Variants in GPHN observed in about 807,000 individuals in gnomAD.
GPHN encodes gephyrin.
GPHN carries 17 observed loss-of-function variants against 95.5 expected under a neutral mutation model. The observed-to-expected ratio is 0.18, with a 90% CI of 0.12 to 0.27. GPHN has a LOEUF of 0.27. GPHN is among the 10% of genes least tolerant of loss of function. The pLI is 1.00. For missense variants in GPHN, 660 were observed against 978.1 expected (o/e 0.67, Z 4.34); for synonymous variants, 320 against 322.5 (o/e 0.99, Z 0.08).
chr14:66,732,709 GA>G (rs2071891780), intron 2 of GPHN, among the ~76,000 whole-genome samples: 1 of 152,086 alleles, frequency 6.6e-6, no homozygotes, highest in Non-Finnish European at 1.5e-5. Context: ...TAGAGACGGG[GA>G]TTCACCACAT....
At chr14:67,381,286 C>A in the GPHN span, among the ~76,000 whole-genome samples, 1 of 152,268 alleles carries the variant, frequency 6.6e-6, no homozygotes, top group Admixed American at 6.5e-5. Context: ...CAAATTAGCA[C>A]CCTTATATTA....
At chr14:66,816,303 C>T (rs2075321018) in intron 3 of GPHN, among the ~76,000 whole-genome samples, 1 of 152,076 alleles carries the variant, frequency 6.6e-6, no homozygotes, top group Admixed American at 6.5e-5. Context: ...TCAAATGGAC[C>T]TGATAGATAT....
chr14:66,775,269 T>A (rs920392361), intron 2 of GPHN, among the ~76,000 whole-genome samples: 1 of 148,630 alleles, frequency 6.7e-6, no homozygotes, highest in Non-Finnish European at 1.5e-5. Flanking sequence ...ATGATACTCC[T>A]TTTTTTGTTA....
chr14:67,679,542 T>G, the GPHN span, among the ~76,000 whole-genome samples: 1 of 152,128 alleles, frequency 6.6e-6, no homozygotes, highest in Non-Finnish European at 1.5e-5. Flanking sequence ...TAGCTGGGAT[T>G]ATAGGCGCCT....
chr14:66,902,054 T>C (rs2065150272), intron 5 of GPHN, among the ~76,000 whole-genome samples: 1 of 152,004 alleles, frequency 6.6e-6, no homozygotes, highest in Non-Finnish European at 1.5e-5. Context: ...CTTTCATCAA[T>C]GTTTTATGGT....
the GPHN span, among the ~76,000 whole-genome samples, chr14:67,524,149 T>G: frequency 1.3e-5 from 2 of 152,198 alleles, no homozygotes; most frequent in Non-Finnish European, 2.9e-5. Context: ...ATTTATTTTT[T>G]TAATAAGTGA....
intron 2 of GPHN, among the ~76,000 whole-genome samples, chr14:66,742,537 C>T (rs1209478247): frequency 6.6e-6 from 1 of 152,032 alleles, no homozygotes; most frequent in African/African-American, 2.4e-5. Flanking sequence ...ATATCCCACC[C>T]CCATAGTAGA....
rs772232370 is a variant in GPHN, at chr14:67,113,162, A to C, written c.1617A>C (p.Thr539=). 8.7e-6 allele frequency: 14 copies of C among 1,613,456 alleles called. No individual in the cohort carries two copies. The highest frequency in any genetic ancestry group is 4.5e-5 in the East Asian group (2 of 44,890). The change falls in exon 16 of 23, where the codon ACA becomes ACC. Residue 539 remains threonine (T), a synonymous_variant. Transcript: ENST00000478722. ...NKFPVVAVMS[T]GNELLNPEDD... is the part of the protein sequence containing the mutation. ...TTCCAGTGGTTGCAGTCATGTCAAC[A>C]GGGAATGAGGTATTAAAAATAAAAA... is the stretch of plus-strand genomic sequence containing the variant.
the GPHN span, among the ~76,000 whole-genome samples, chr14:67,519,207 G>A: frequency 1.3e-5 from 2 of 152,200 alleles, no homozygotes; most frequent in African/African-American, 2.4e-5. Flanking sequence ...CTCAGATCAC[G>A]TAGGATTCTT....
the GPHN span, among the ~76,000 whole-genome samples, chr14:67,226,561 A>G: frequency 6.6e-6 from 1 of 152,106 alleles, no homozygotes; most frequent in Admixed American, 6.5e-5. Flanking sequence ...GGGTTTCACC[A>G]TGTTGGCCAG....
chr14:66,954,847 C>G (rs1041585396), intron 8 of GPHN, among the ~76,000 whole-genome samples: 8 of 152,140 alleles, frequency 5.3e-5, no homozygotes, highest in Non-Finnish European at 5.9e-5. Context: ...AATGTTTGTT[C>G]TACATTAACG....
chr14:67,655,092 C>A, the GPHN span, among the ~76,000 whole-genome samples: 1 of 146,696 alleles, frequency 6.8e-6, no homozygotes, highest in Non-Finnish European at 1.5e-5. Context: ...GTAATCCTAG[C>A]GCTTTGGGAG....
At chr14:67,414,333 TGA>T in the GPHN span, among the ~76,000 whole-genome samples, 1 of 152,200 alleles carries the variant, frequency 6.6e-6, no homozygotes, top group African/African-American at 2.4e-5. Context: ...ATCTGGGGCA[TGA>T]GTCATACCCC....
chr14:66,670,505 G>A (rs1416655201), intron 1 of GPHN, among the ~76,000 whole-genome samples: 2 of 152,060 alleles, frequency 1.3e-5, no homozygotes, highest in Non-Finnish European at 2.9e-5. Flanking sequence ...GTTAGTAAAC[G>A]TTTTCTGCCA....
At chr14:66,810,138 T>C (rs1304478163) in intron 3 of GPHN, among the ~76,000 whole-genome samples, 4 of 151,982 alleles carry the variant, frequency 2.6e-5, no homozygotes, top group Admixed American at 2.6e-4. Context: ...ATTATACTTC[T>C]TTAACCTTAC....
rs117242146 is a variant in GPHN, at chr14:66,667,439, G to C, written c.65-13668G>C. ...CTACAGTGACCAAAATAGCATGGTA[G>C]TGGTACAAGAATAGACACATAACCA... is the stretch of plus-strand genomic sequence containing the variant. On this transcript the variant is annotated intron_variant, in intron 1 of 22. Coordinates refer to ENST00000478722, the MANE Select transcript of GPHN (RefSeq NM_020806.5). Among the ~76,000 whole-genome samples, 91 of 152,260 alleles carry C rather than the reference G, an allele frequency of 6.0e-4. 1 individual carries two copies. In the East Asian group the frequency reaches 0.015, roughly 25 times the overall value.
intron 2 of GPHN, among the ~76,000 whole-genome samples, chr14:66,713,122 C>G (rs1332335311): frequency 6.6e-6 from 1 of 152,122 alleles, no homozygotes; most frequent in African/African-American, 2.4e-5. Flanking sequence ...ACTCTGCTGA[C>G]TGTTCCTTTT....
the GPHN span, among the ~76,000 whole-genome samples, chr14:67,628,020 C>T: frequency 6.6e-6 from 1 of 152,218 alleles, no homozygotes; most frequent in East Asian, 1.9e-4. Flanking sequence ...TAGCAAAGAC[C>T]AAACCTGCTT....
At chr14:67,095,175 G>A (rs1352083360) in intron 12 of GPHN, among the ~76,000 whole-genome samples, 1 of 152,132 alleles carries the variant, frequency 6.6e-6, no homozygotes, top group Non-Finnish European at 1.5e-5. Flanking sequence ...TTGGACTCCT[G>A]TAGTTCACTA....
Sources: gnomAD v4.1 joint callset for allele counts (sites outside exome capture counted in the v4.1 genomes callset) on GRCh38, gnomAD v4.1.1 for gene constraint, MANE v1.5 for transcripts, NCBI Gene and HGNC (gene_info 2026-07-23, HGNC 2026-07-21) for gene names.